The following SDK1 variants were observed in gnomAD, a reference collection of about 807,000 sequenced individuals.
SDK1 encodes protein sidekick-1.
Under a neutral mutation model 245.5 loss-of-function variants are expected in SDK1, and 157 were observed. The ratio of observed to expected loss-of-function variants is 0.64; its 90% CI spans 0.56 to 0.73. The LOEUF is 0.73. SDK1 is among the 30% of genes least tolerant of loss of function. The pLI, the probability that SDK1 is intolerant of heterozygous loss-of-function variation, is 0.00. For synonymous variants in SDK1, 1,647 were observed against 1,278.5 expected, an observed-to-expected ratio of 1.29 and a Z score of -6.15; for missense variants, 3,583 against 3,002.3, an observed-to-expected ratio of 1.19 and a Z score of -4.52.
At chr7:4,136,918 C>T (rs1236113591) in intron 28 of SDK1, among the ~76,000 whole-genome samples, 3 of 152,238 alleles carry the variant, frequency 2.0e-5, no homozygotes, top group African/African-American at 7.2e-5. Flanking sequence ...CAGGCCACGG[C>T]ATCTAGGCTC....
chr7:4,067,583 T>C (rs1015621693), intron 19 of SDK1, among the ~76,000 whole-genome samples: 2 of 152,178 alleles, frequency 1.3e-5, no homozygotes, highest in Non-Finnish European at 2.9e-5. Flanking sequence ...GAGAATGGTT[T>C]GTGTATAAAT....
rs574504687 is a variant in SDK1 at position 3,549,309 on chromosome 7, T to G, written c.299-69771T>G. Among the ~76,000 whole-genome samples the G allele has an allele frequency of 2.4e-4, 36 of 152,322 alleles. 1 individual carries two copies. The South Asian group carries it at 4.1e-3, about 18-fold the overall frequency. On this transcript the variant is annotated intron_variant, in intron 1 of 44. Coordinates refer to ENST00000404826, the MANE Select transcript of SDK1 (RefSeq NM_152744.4). ...CACCACCGGGTTGACACAGTATTATTTATTTTTCTCCCACATACTTCTTGT... is the reference window on the plus strand; with the variant it reads ...CACCACCGGGTTGACACAGTATTATGTATTTTTCTCCCACATACTTCTTGT...
At chr7:3,796,241 A>G (rs1273518953) in intron 4 of SDK1, among the ~76,000 whole-genome samples, 6 of 152,256 alleles carry the variant, frequency 3.9e-5, no homozygotes, top group African/African-American at 1.2e-4. Flanking sequence ...GTCTTTAAGT[A>G]TAAGTGAAAG....
chr7:4,204,781 G>A (rs746709005), intron 35 of SDK1, among the ~76,000 whole-genome samples: 182 of 152,356 alleles, frequency 1.2e-3, no homozygotes, highest in Non-Finnish European at 2.0e-3. Flanking sequence ...GAGCTCCCCA[G>A]GGCCCAGCTC....
chr7:3,872,031 T>G (rs2115134833), intron 5 of SDK1, among the ~76,000 whole-genome samples: 1 of 151,848 alleles, frequency 6.6e-6, no homozygotes, highest in African/African-American at 2.4e-5. Context: ...AAATCTTTTC[T>G]TGCATCTATT....
At chr7:3,672,968 C>G (rs1011917258) in intron 4 of SDK1, among the ~76,000 whole-genome samples, 1 of 150,648 alleles carries the variant, frequency 6.6e-6, no homozygotes, top group Non-Finnish European at 1.5e-5. Context: ...ATATTACTTC[C>G]TCTTTTATTC....
intron 25 of SDK1, among the ~76,000 whole-genome samples, chr7:4,119,561 C>A (rs1783932237): frequency 6.7e-6 from 1 of 148,694 alleles, no homozygotes; most frequent in South Asian, 2.2e-4. Context: ...AAACAGTGAT[C>A]AACTCTTCCT....
intron 1 of SDK1, among the ~76,000 whole-genome samples, chr7:3,506,667 G>C (rs537641428): frequency 3.9e-5 from 6 of 152,078 alleles, no homozygotes; most frequent in African/African-American, 1.4e-4. Context: ...CCAACCTTCA[G>C]TTTATGTAGC....
In SDK1 at chr7:3,446,521, G is replaced by A. The variant is rs1038062135; in HGVS notation, c.298+144637G>A. ...GAGTAGAATCTTAAAAAGACACTGT[G>A]TAAGAGCCACGAAACTTCCTTGCAG... On this transcript the variant is annotated intron_variant, in intron 1 of 44. Transcript: ENST00000404826. Among the ~76,000 whole-genome samples, 11 of 152,144 alleles carry A rather than the reference G, an allele frequency of 7.2e-5. No homozygotes were observed. In the South Asian group the frequency reaches 2.3e-3, roughly 31 times the overall value.
At chr7:3,699,543 G>T (rs879052577) in intron 4 of SDK1, among the ~76,000 whole-genome samples, 2 of 152,140 alleles carry the variant, frequency 1.3e-5, no homozygotes, top group Admixed American at 1.3e-4. Context: ...ACAGGGAAAA[G>T]AATCCGTGAA....
At position 3,581,655 on chromosome 7, in the gene SDK1, C is replaced by T. The variant is rs569102120; in HGVS notation, c.299-37425C>T. On this transcript the variant is annotated intron_variant, in intron 1 of 44. Transcript: ENST00000404826. ...GGAATCCCATTAATGGGTATATACC[C>T]AAAGGAATGTAAATCGTTCTACGAC... 2.0e-5 allele frequency among the ~76,000 whole-genome samples: 3 copies of T among 152,180 alleles called. No homozygotes were observed. In the South Asian group the frequency reaches 6.2e-4, roughly 32 times the overall value.
chr7:4,054,457 G>A (rs1439231964), intron 19 of SDK1, among the ~76,000 whole-genome samples: 3 of 152,138 alleles, frequency 2.0e-5, no homozygotes, highest in African/African-American at 7.2e-5. Flanking sequence ...GCATATGTGT[G>A]TGTTTAGTCC....
At chr7:4,188,716 C>T (rs1225768203) in intron 35 of SDK1, among the ~76,000 whole-genome samples, 1 of 151,004 alleles carries the variant, frequency 6.6e-6, no homozygotes, top group Admixed American at 6.6e-5. Flanking sequence ...AAAACTCTTT[C>T]ATCCTCCTGG....
chr7:3,750,909 C>T (rs375493578), intron 4 of SDK1, among the ~76,000 whole-genome samples: 2 of 152,214 alleles, frequency 1.3e-5, no homozygotes, highest in Admixed American at 6.5e-5. Context: ...GTAGCGCTAA[C>T]AGCACAGAAG....
intron 4 of SDK1, among the ~76,000 whole-genome samples, chr7:3,758,908 T>G (rs1027513644): frequency 6.6e-6 from 1 of 152,204 alleles, no homozygotes; most frequent in African/African-American, 2.4e-5. Context: ...TATTTAAAAA[T>G]AACCGTGAGT....
chr7:3,518,016 C>T (rs1465229703), intron 1 of SDK1, among the ~76,000 whole-genome samples: 1 of 151,996 alleles, frequency 6.6e-6, no homozygotes, highest in Non-Finnish European at 1.5e-5. Flanking sequence ...ACTTAAAGAG[C>T]CAATTAAGTT....
At chr7:4,202,362 C>A (rs1018603223) in intron 35 of SDK1, among the ~76,000 whole-genome samples, 12 of 152,366 alleles carry the variant, frequency 7.9e-5, no homozygotes, top group Admixed American at 1.3e-4. Flanking sequence ...CCTCCGAGTG[C>A]CAGCATCTTC....
At chr7:3,852,890 C>T (rs1446626960) in intron 5 of SDK1, among the ~76,000 whole-genome samples, 1 of 151,758 alleles carries the variant, frequency 6.6e-6, no homozygotes, top group African/African-American at 2.4e-5. Flanking sequence ...AGTCACCCAC[C>T]CCCAGAGTTT....
intron 1 of SDK1, among the ~76,000 whole-genome samples, chr7:3,523,242 A>G (rs1013969849): frequency 6.6e-6 from 1 of 152,192 alleles, no homozygotes; most frequent in African/African-American, 2.4e-5. Flanking sequence ...TGCAAATCAT[A>G]AATTAAAGAG....
Sources: allele counts gnomAD v4.1 joint callset (sites outside exome capture counted in the v4.1 genomes callset), GRCh38; gene constraint gnomAD v4.1.1; transcripts MANE v1.5; gene names NCBI Gene and HGNC (gene_info 2026-07-23, HGNC 2026-07-21).